The following CREB3L2 variants were observed in gnomAD, a reference collection of about 807,000 sequenced individuals.
CREB3L2 encodes the protein cyclic AMP-responsive element-binding protein 3-like protein 2.
A neutral mutation model predicts 57.2 loss-of-function variants in CREB3L2; 23 were observed. The observed-to-expected ratio is 0.40, with a 90% CI of 0.29 to 0.57. The LOEUF (loss-of-function observed/expected upper bound fraction) is 0.57, where lower values mean the gene tolerates loss of function less well. Among genes scored for constraint, CREB3L2 ranks in the 20% least tolerant of loss-of-function variants. The pLI, the probability that CREB3L2 is intolerant of heterozygous loss-of-function variation, is 0.42. For missense variants in CREB3L2, 628 were observed against 634.7 expected (o/e 0.99, Z 0.11); for synonymous variants, 268 against 265.1 (o/e 1.01, Z -0.11).
chr7:137,944,175 TG>T (rs1800925900), intron 1 of CREB3L2, among the ~76,000 whole-genome samples: 1 of 152,200 alleles, frequency 6.6e-6, no homozygotes, highest in African/African-American at 2.4e-5. Flanking sequence ...TGCTTACCTT[TG>T]TTTAAACAGA....
At chr7:137,942,292 C>A (rs1279382413) in intron 1 of CREB3L2, among the ~76,000 whole-genome samples, 1 of 152,206 alleles carries the variant, frequency 6.6e-6, no homozygotes, top group African/African-American at 2.4e-5. Context: ...TTTTCAGGTT[C>A]TCAAATCTTT....
chr7:137,984,430 A>T (rs1411421269), intron 1 of CREB3L2, among the ~76,000 whole-genome samples: 1 of 152,230 alleles, frequency 6.6e-6, no homozygotes, highest in African/African-American at 2.4e-5. Flanking sequence ...TCCACCAGTG[A>T]GGCTGATGTT....
Position 137,971,932 on chromosome 7 carries a change from TA to T in CREB3L2, c.102+29671del, listed in dbSNP as rs35116639. Among the ~76,000 whole-genome samples the T allele has an allele frequency of 8.4e-3, 1,222 of 145,684 alleles. 11 individuals carry two copies. Among genetic ancestry groups the T allele is most frequent in the African/African-American group, 0.023 (912 of 39,904 alleles). ...CCATTCTTTCATTTGTTCACTTCCTTAAAAAAAAAAAAATAATGGCTAAGTA... is the reference window on the plus strand; with the variant it reads ...CCATTCTTTCATTTGTTCACTTCCTTAAAAAAAAAAAATAATGGCTAAGTA... On this transcript the variant is annotated intron_variant, in intron 1 of 11. Transcript: ENST00000330387.
intron 3 of CREB3L2, among the ~76,000 whole-genome samples, chr7:137,913,357 A>G (rs540264008): frequency 5.9e-5 from 9 of 152,140 alleles, no homozygotes; most frequent in African/African-American, 2.2e-4. Context: ...AAATACAAAA[A>G]TTAGCCAGTT....
chr7:137,989,816 G>A (rs1439509672), intron 1 of CREB3L2, among the ~76,000 whole-genome samples: 6 of 152,060 alleles, frequency 3.9e-5, no homozygotes, highest in African/African-American at 9.7e-5. Flanking sequence ...CGGCAACACC[G>A]TCAACTCAGC....
chr7:137,948,834 C>A (rs58366448), intron 1 of CREB3L2, among the ~76,000 whole-genome samples: 1,752 of 152,276 alleles, frequency 0.012, 27 homozygotes, highest in African/African-American at 0.04. Context: ...TGTTCTGTGA[C>A]CTGCACAACA....
intron 1 of CREB3L2, chr7:137,953,477 TA>T (rs1801142633): frequency 1.6e-6 from 2 of 1,289,084 alleles, no homozygotes; most frequent in East Asian, 1.1e-4. Context: ...AAATGTTCTT[TA>T]AAAAGCGTCA....
At chr7:137,911,370 C>T (rs187313894) in intron 4 of CREB3L2, among the ~76,000 whole-genome samples, 1 of 152,236 alleles carries the variant, frequency 6.6e-6, no homozygotes, top group African/African-American at 2.4e-5. Context: ...AAACCAAATC[C>T]TGAGTTAGTT....
Position 137,880,461 on chromosome 7 carries a change from G to A in CREB3L2, c.*15C>T. 1 of 1,605,324 alleles carries A rather than the reference G, an allele frequency of 6.2e-7. No individual in the cohort carries two copies. Among genetic ancestry groups the A allele is most frequent in the African/African-American group, 1.3e-5 (1 of 74,870 alleles). On this transcript the variant is annotated 3_prime_UTR_variant, in exon 12 of 12. Coordinates refer to ENST00000330387, the MANE Select transcript of CREB3L2 (RefSeq NM_194071.4). The surrounding 1 kb of genome is among the most constrained non-coding windows in gnomAD (Gnocchi z 4.0). ...AGTAGAGTTAAGGGAAAGGGAGGGG[G>A]TGCAGGCAGCCTCTTTAGAAAGTGG...
chr7:137,896,362 C>T (rs1270062744), intron 8 of CREB3L2, among the ~76,000 whole-genome samples: 6 of 152,036 alleles, frequency 3.9e-5, no homozygotes, highest in East Asian at 1.9e-4. Flanking sequence ...AGTGCAATGG[C>T]GTGATCTCGG....
chr7:137,958,378 C>T (rs1454486590), intron 1 of CREB3L2, among the ~76,000 whole-genome samples: 1 of 152,024 alleles, frequency 6.6e-6, no homozygotes, highest in African/African-American at 2.4e-5. Context: ...AGAAAATAAA[C>T]CTTTGGCCAG....
In CREB3L2 at chr7:137,965,930, T is replaced by G. The variant is rs554777889; in HGVS notation, c.102+35674A>C. Among the ~76,000 whole-genome samples, 5 of 152,318 alleles carry G rather than the reference T, an allele frequency of 3.3e-5. No individual in the cohort carries two copies. In the South Asian group the frequency reaches 8.3e-4, roughly 25 times the overall value. On this transcript the variant is annotated intron_variant, in intron 1 of 11. Coordinates refer to ENST00000330387, the MANE Select transcript of CREB3L2 (RefSeq NM_194071.4). ...ACCTGGAGAGTTTATTAAAACACAA[T>G]GGGTGCATCTCACCCTAGAGTTTCT...
chr7:137,916,036 CAT>C (rs1800124460), intron 2 of CREB3L2, 24 bp from the exon 3 acceptor site: 2 of 1,599,034 alleles, frequency 1.3e-6, no homozygotes, highest in Non-Finnish European at 1.7e-6. Flanking sequence ...GACAAGCACA[CAT>C]GTGAACTTGT....
chr7:137,942,487 C>T (rs746456449), intron 1 of CREB3L2, among the ~76,000 whole-genome samples: 2 of 152,170 alleles, frequency 1.3e-5, no homozygotes, highest in South Asian at 2.1e-4. Context: ...GTTCAGTGTA[C>T]CTTAGCTTCA....
chr7:137,889,231 G>A (rs923151032), intron 8 of CREB3L2, among the ~76,000 whole-genome samples: 1 of 152,100 alleles, frequency 6.6e-6, no homozygotes, highest in Non-Finnish European at 1.5e-5. Flanking sequence ...CTTTCAGCAG[G>A]CCAGCTACAC....
In CREB3L2 at chr7:137,913,085, G is replaced by A. The variant is rs1800051532; in HGVS notation, c.496-7C>T. ...TCTGGCACGAGGAATCAACCTGGAGGAAGAATTTCAAACACAATTTTTAAA... is the reference window on the plus strand; with the variant it reads ...TCTGGCACGAGGAATCAACCTGGAGAAAGAATTTCAAACACAATTTTTAAA... On this transcript the variant is annotated splice_region_variant and splice_polypyrimidine_tract_variant and intron_variant, in intron 3 of 11. Coordinates refer to ENST00000330387, the MANE Select transcript of CREB3L2 (RefSeq NM_194071.4). 2 of 1,610,476 alleles carry A rather than the reference G, an allele frequency of 1.2e-6. No individual in the cohort carries two copies. The highest frequency in any genetic ancestry group is 2.7e-5 in the African/African-American group (2 of 74,622).
intron 8 of CREB3L2, among the ~76,000 whole-genome samples, chr7:137,894,058 T>C (rs1799572512): frequency 6.6e-6 from 1 of 152,230 alleles, no homozygotes; most frequent in Non-Finnish European, 1.5e-5. Context: ...CTTGTGTTCC[T>C]ACACATTCTG....
At chr7:137,948,340 A>T (rs1304650412) in intron 1 of CREB3L2, among the ~76,000 whole-genome samples, 2 of 152,372 alleles carry the variant, frequency 1.3e-5, no homozygotes, top group African/African-American at 4.8e-5. Flanking sequence ...ATTCACGATT[A>T]AACTGTTTTT....
rs900984976 is a variant in CREB3L2 at position 137,878,108 on chromosome 7, C to A, written c.*2368G>T. 1.3e-5 allele frequency: 3 copies of A among 230,648 alleles called. No individual in the cohort carries two copies. Among genetic ancestry groups the A allele is most frequent in the Non-Finnish European group, 2.6e-5 (3 of 116,622 alleles). 14.3% of individuals were successfully genotyped at this position (230,648 alleles called of 1,614,324 possible). On this transcript the variant is annotated 3_prime_UTR_variant, in exon 12 of 12. Coordinates refer to ENST00000330387, the MANE Select transcript of CREB3L2 (RefSeq NM_194071.4). ...AAGGATGGTTTCCCAGAGAAAGAGT[C>A]CTGCTGTTTGGAGGTCGAGAGAGAG...
Sources: gnomAD v4.1 joint callset for allele counts (sites outside exome capture counted in the v4.1 genomes callset) on GRCh38, gnomAD v4.1.1 for gene constraint, Gnocchi (gnomAD v3.1) non-coding constraint, MANE v1.5 for transcripts, NCBI Gene and HGNC (gene_info 2026-07-23, HGNC 2026-07-21) for gene names.